Variants in PARVA observed in about 807,000 individuals in gnomAD.
PARVA encodes parvin alpha.
Under a neutral mutation model 52.6 loss-of-function variants are expected in PARVA, and 25 were observed. The ratio of observed to expected loss-of-function variants is 0.48; its 90% CI spans 0.35 to 0.66. The LOEUF is 0.66. Among genes scored for constraint, PARVA ranks in the 30% least tolerant of loss-of-function variants. PARVA has a pLI of 0.01. For synonymous variants in PARVA, 185 were observed against 179.1 expected (o/e 1.03, Z -0.26); for missense variants, 373 against 450.9 (o/e 0.83, Z 1.56).
chr11:12,423,981 A>G (rs1940189881), intron 1 of PARVA, among the ~76,000 whole-genome samples: 1 of 152,176 alleles, frequency 6.6e-6, no homozygotes, highest in South Asian at 2.1e-4. Context: ...CACATTCTAG[A>G]GTATTCTTGC....
At chr11:12,440,262 G>A (rs1025216038) in intron 1 of PARVA, among the ~76,000 whole-genome samples, 1 of 152,130 alleles carries the variant, frequency 6.6e-6, no homozygotes, top group Non-Finnish European at 1.5e-5. Flanking sequence ...GGCCCCGTGA[G>A]TTCAGTTAGG....
chr11:12,390,139 CTG>C (rs1185834339), intron 1 of PARVA, among the ~76,000 whole-genome samples: 2 of 152,192 alleles, frequency 1.3e-5, no homozygotes, highest in Non-Finnish European at 2.9e-5. Context: ...GGAGCAGACT[CTG>C]TGCTCGTTTC....
At chr11:12,493,355 CA>C (rs11286221) in intron 4 of PARVA, among the ~76,000 whole-genome samples, 123,267 of 130,616 alleles carry the variant, frequency 0.94, 58,194 homozygotes, top group South Asian at 0.99. Context: ...GACTCCATCT[CA>C]AAAAAAAAAA....
chr11:12,388,743 GT>G (rs953161586), intron 1 of PARVA, among the ~76,000 whole-genome samples: 13 of 151,444 alleles, frequency 8.6e-5, no homozygotes, highest in Admixed American at 2.0e-4. Context: ...GTAAAGATAA[GT>G]TTTTTTATCT....
At chr11:12,406,677 T>G (rs1278885040) in intron 1 of PARVA, among the ~76,000 whole-genome samples, 5 of 138,394 alleles carry the variant, frequency 3.6e-5, no homozygotes, top group Non-Finnish European at 7.8e-5. Context: ...TTTTTTTTTT[T>G]TTTTTTTTTT....
At chr11:12,459,437 G>C (rs79291734) in intron 1 of PARVA, among the ~76,000 whole-genome samples, 1 of 151,912 alleles carries the variant, frequency 6.6e-6, no homozygotes. Context: ...AAAGAAAAAA[G>C]AAGAAGAAAG....
At chr11:12,453,718 G>A (rs61295135) in intron 1 of PARVA, among the ~76,000 whole-genome samples, 17,598 of 152,234 alleles carry the variant, frequency 0.12, 1,114 homozygotes, top group East Asian at 0.2. Context: ...TGGGTTGATG[G>A]CTGAGCTGAA....
chr11:12,402,762 G>C (rs1414977038), intron 1 of PARVA, among the ~76,000 whole-genome samples: 1 of 152,110 alleles, frequency 6.6e-6, no homozygotes, highest in Non-Finnish European at 1.5e-5. Context: ...ATTCTGCTTT[G>C]TTTCAGAGAC....
chr11:12,465,812 C>T (rs1243033539), intron 1 of PARVA, among the ~76,000 whole-genome samples: 1 of 152,190 alleles, frequency 6.6e-6, no homozygotes, highest in Non-Finnish European at 1.5e-5. Flanking sequence ...AATAAAGCTG[C>T]TATAAATATT....
chr11:12,494,298 A>G (rs1941270585), intron 4 of PARVA, among the ~76,000 whole-genome samples: 1 of 152,122 alleles, frequency 6.6e-6, no homozygotes, highest in African/African-American at 2.4e-5. Context: ...TTGATAGTTG[A>G]CCTCCAGCTT....
intron 1 of PARVA, among the ~76,000 whole-genome samples, chr11:12,407,061 T>G (rs1939923279): frequency 6.6e-6 from 1 of 152,190 alleles, no homozygotes; most frequent in Non-Finnish European, 1.5e-5. Context: ...AATATATTCA[T>G]TAGCCTGGAA....
intron 1 of PARVA, among the ~76,000 whole-genome samples, chr11:12,444,031 G>A (rs1281327922): frequency 2.0e-5 from 3 of 152,144 alleles, no homozygotes; most frequent in Admixed American, 2.0e-4. Flanking sequence ...TGAATCTTGA[G>A]GTCCTCACTT....
Position 12,482,520 on chromosome 11 carries a change from G to A in PARVA, c.400+4571G>A, listed in dbSNP as rs192963497. Among the ~76,000 whole-genome samples the A allele has an allele frequency of 3.0e-4, 45 of 151,454 alleles. No homozygotes were observed. In the East Asian group the frequency reaches 8.9e-3, roughly 30 times the overall value. On this transcript the variant is annotated intron_variant, in intron 4 of 12. Coordinates refer to ENST00000334956, the MANE Select transcript of PARVA (RefSeq NM_018222.5). ...GGGCACCTGCAATCCCAGCTACTTG[G>A]GAGGCTGAGGCAGGAGAATCGCTTG...
At chr11:12,482,294 A>C (rs1488828363) in intron 4 of PARVA, among the ~76,000 whole-genome samples, 1 of 152,038 alleles carries the variant, frequency 6.6e-6, no homozygotes, top group East Asian at 1.9e-4. Context: ...GTCTGTTCTC[A>C]CACTGCTCAT....
chr11:12,468,100 C>G (rs1178186860), intron 1 of PARVA, among the ~76,000 whole-genome samples: 1 of 152,166 alleles, frequency 6.6e-6, no homozygotes, highest in Admixed American at 6.5e-5. Flanking sequence ...TTTAGGACTC[C>G]TTCCCAGTCT....
At chr11:12,427,087 A>G (rs938603171) in intron 1 of PARVA, among the ~76,000 whole-genome samples, 3 of 152,358 alleles carry the variant, frequency 2.0e-5, no homozygotes, top group South Asian at 2.1e-4. Context: ...AAATATGAAC[A>G]GAAATGAAGT....
At chr11:12,392,841 C>T (rs892008300) in intron 1 of PARVA, among the ~76,000 whole-genome samples, 2 of 152,042 alleles carry the variant, frequency 1.3e-5, no homozygotes, top group African/African-American at 4.8e-5. Context: ...GAAAGGTACA[C>T]ACTGGATCTC....
At position 12,399,600 on chromosome 11, in the gene PARVA, A is replaced by T. The variant is rs1939797038; in HGVS notation, c.136+21817A>T. ...AGGCTGATGCTGGTCTGCAGATCAC[A>T]CTCTGTGTAGCACTGACCTAGATAA... On this transcript the variant is annotated intron_variant, in intron 1 of 12. Coordinates refer to ENST00000334956, the MANE Select transcript of PARVA (RefSeq NM_018222.5). Among the ~76,000 whole-genome samples, 2 of 152,178 alleles carry T rather than the reference A, an allele frequency of 1.3e-5. 1 individual carries two copies. Among genetic ancestry groups the T allele is most frequent in the South Asian group, 4.1e-4 (2 of 4,834 alleles).
chr11:12,468,319 T>C (rs556151964), intron 1 of PARVA, among the ~76,000 whole-genome samples: 62 of 152,208 alleles, frequency 4.1e-4, no homozygotes, highest in Non-Finnish European at 7.6e-4. Context: ...CACCCAGTAA[T>C]GCTTATTGGT....
Sources: allele counts gnomAD v4.1 joint callset (sites outside exome capture counted in the v4.1 genomes callset), GRCh38; gene constraint gnomAD v4.1.1; transcripts MANE v1.5; gene names NCBI Gene and HGNC (gene_info 2026-07-23, HGNC 2026-07-21).